Variants in PACRG observed in about 807,000 individuals in gnomAD.
PACRG encodes parkin coregulated, also known as parkin coregulated gene protein.
A neutral mutation model predicts 29.7 loss-of-function variants in PACRG; 29 were observed. The ratio of observed to expected loss-of-function variants is 0.98; its 90% CI spans 0.73 to 1.33. The LOEUF (loss-of-function observed/expected upper bound fraction) is 1.33. Among genes scored for constraint, PACRG ranks in the 40% most tolerant of loss-of-function variants. The pLI, the probability that PACRG is intolerant of heterozygous loss-of-function variation, is 0.00. For missense variants in PACRG, 279 were observed against 316.2 expected, an observed-to-expected ratio of 0.88 and a Z score of 0.89; for synonymous variants, 116 against 118.7, an observed-to-expected ratio of 0.98 and a Z score of 0.15.
At chr6:163,264,476 T>C (rs1204716628) in intron 4 of PACRG, among the ~76,000 whole-genome samples, 1 of 152,182 alleles carries the variant, frequency 6.6e-6, no homozygotes, top group Non-Finnish European at 1.5e-5. Context: ...CAGGGGACAC[T>C]GTGTGCACTC....
intron 1 of PACRG, among the ~76,000 whole-genome samples, chr6:162,772,961 G>C (rs752922063): frequency 6.6e-6 from 1 of 152,124 alleles, no homozygotes; most frequent in Non-Finnish European, 1.5e-5. Flanking sequence ...TGGAATTGCA[G>C]ATAGAAATTA....
intron 1 of PACRG, among the ~76,000 whole-genome samples, chr6:162,772,580 T>G (rs977576420): frequency 1.3e-5 from 2 of 152,094 alleles, no homozygotes; most frequent in African/African-American, 4.8e-5. Context: ...GAGACAACAA[T>G]GAAAAGGCCC....
chr6:163,150,732 G>A (rs575224031), intron 4 of PACRG, among the ~76,000 whole-genome samples: 1 of 152,244 alleles, frequency 6.6e-6, no homozygotes, highest in Non-Finnish European at 1.5e-5. Context: ...ACCCCGCTTG[G>A]TAGTGACTGC....
intron 2 of PACRG, among the ~76,000 whole-genome samples, chr6:162,970,380 G>A (rs906026922): frequency 1.3e-5 from 2 of 152,126 alleles, no homozygotes; most frequent in African/African-American, 4.8e-5. Flanking sequence ...TTCTACTGGA[G>A]AGCTCATCTT....
At chr6:163,224,368 C>CTCAAAAAAA (rs1781702738) in intron 4 of PACRG, among the ~76,000 whole-genome samples, 1 of 47,270 alleles carries the variant, frequency 2.1e-5, no homozygotes, top group South Asian at 1.5e-3. Flanking sequence ...GACTCCATCT[C>CTCAAAAAAA]AAAAAAAAAA....
chr6:163,187,533 C>G (rs1253780754), intron 4 of PACRG: 3 of 152,296 alleles, frequency 2.0e-5, no homozygotes, highest in Non-Finnish European at 4.4e-5. Context: ...TTGACAGCCC[C>G]GTCACCTGCA....
chr6:163,008,866 C>T (rs916533207), intron 2 of PACRG, among the ~76,000 whole-genome samples: 3 of 151,934 alleles, frequency 2.0e-5, no homozygotes, highest in Admixed American at 1.3e-4. Flanking sequence ...GCTTAGCACT[C>T]CTGACCTCCT....
intron 4 of PACRG, among the ~76,000 whole-genome samples, chr6:163,243,874 C>G (rs1782594408): frequency 1.3e-5 from 2 of 152,124 alleles, no homozygotes; most frequent in South Asian, 4.2e-4. Flanking sequence ...GGCTAAGAAG[C>G]TATCTCACCC....
chr6:162,750,826 T>C (rs1781456084), intron 1 of PACRG, among the ~76,000 whole-genome samples: 1 of 152,202 alleles, frequency 6.6e-6, no homozygotes, highest in Admixed American at 6.5e-5. Flanking sequence ...TTTGTATTTT[T>C]CACAAATCTA....
chr6:163,245,729 G>A (rs1413656705), intron 4 of PACRG, among the ~76,000 whole-genome samples: 1 of 152,114 alleles, frequency 6.6e-6, no homozygotes, highest in Non-Finnish European at 1.5e-5. Flanking sequence ...TTCCTAATCA[G>A]CCGCTGTGCT....
intron 2 of PACRG, among the ~76,000 whole-genome samples, chr6:162,995,284 C>G (rs6917346): frequency 5.4e-5 from 8 of 147,818 alleles, no homozygotes; most frequent in South Asian, 2.2e-4. Flanking sequence ...TCGAGCTTCC[C>G]GGCTGCTTTG....
At chr6:163,271,291 C>CTGA (rs1481094870) in intron 4 of PACRG, among the ~76,000 whole-genome samples, 4 of 152,240 alleles carry the variant, frequency 2.6e-5, no homozygotes, top group Non-Finnish European at 4.4e-5. Context: ...TCTCCCAGGA[C>CTGA]CGACTCAAAT....
At chr6:163,000,146 G>A (rs1332581271) in intron 2 of PACRG, among the ~76,000 whole-genome samples, 1 of 152,148 alleles carries the variant, frequency 6.6e-6, no homozygotes, top group Non-Finnish European at 1.5e-5. Flanking sequence ...AGTCATTTTA[G>A]TCTAGGCCAT....
chr6:163,082,641 AT>A lies in PACRG; in HGVS notation c.464-6615del, dbSNP rs1466771962. Among the ~76,000 whole-genome samples the A allele has an allele frequency of 3.9e-5, 6 of 152,308 alleles. No homozygotes were observed. The East Asian group carries it at 9.6e-4, about 24-fold the overall frequency. ...GCGTCTCAGTACACAAGTTTCTAGT[AT>A]TTATGCAGTTTACATTCTATTTTAT... On this transcript the variant is annotated intron_variant, in intron 3 of 4. Coordinates refer to ENST00000366888, the MANE Select transcript of PACRG (RefSeq NM_001080379.2).
At chr6:163,086,258 T>G (rs943911338) in intron 3 of PACRG, among the ~76,000 whole-genome samples, 2 of 152,232 alleles carry the variant, frequency 1.3e-5, no homozygotes, top group Non-Finnish European at 2.9e-5. Flanking sequence ...TAAGACCAGA[T>G]AGAGAGTCTC....
Position 162,921,509 on chromosome 6 carries a change from A to C in PACRG, c.291+107228A>C, listed in dbSNP as rs115372296. On this transcript the variant is annotated intron_variant, in intron 2 of 4. Coordinates refer to ENST00000366888, the MANE Select transcript of PACRG (RefSeq NM_001080379.2). ...CTCTTCTTGACACTTTTGTTCATCAAAATTATCCAGGGAACTTTGAAACAT... is the reference window on the plus strand; with the variant it reads ...CTCTTCTTGACACTTTTGTTCATCACAATTATCCAGGGAACTTTGAAACAT... Among the ~76,000 whole-genome samples the C allele has an allele frequency of 1.4e-3, 210 of 152,228 alleles. 1 individual carries two copies. The highest frequency in any genetic ancestry group is 5.0e-3 in the African/African-American group (209 of 41,526).
intron 2 of PACRG, among the ~76,000 whole-genome samples, chr6:162,935,392 C>CTTT (rs79058842): frequency 8.1e-6 from 1 of 124,058 alleles, no homozygotes; most frequent in Non-Finnish European, 1.8e-5. Context: ...CTGTTTTATT[C>CTTT]TTTTTTTTTT....
At chr6:163,124,110 C>T (rs962564041) in intron 4 of PACRG, among the ~76,000 whole-genome samples, 1 of 152,186 alleles carries the variant, frequency 6.6e-6, no homozygotes, top group Non-Finnish European at 1.5e-5. Flanking sequence ...AATGTCTATT[C>T]AAGTCCTTTG....
chr6:163,062,472 T>C (rs1217552443), intron 3 of PACRG, 151 bp downstream of exon 3: 1 of 880,818 alleles, frequency 1.1e-6, no homozygotes, highest in Non-Finnish European at 1.7e-6. Flanking sequence ...ACAACCCAAA[T>C]CTCCAAAAAT....
Sources: gnomAD v4.1 joint callset for allele counts (sites outside exome capture counted in the v4.1 genomes callset) on GRCh38, gnomAD v4.1.1 for gene constraint, MANE v1.5 for transcripts, NCBI Gene and HGNC (gene_info 2026-07-23, HGNC 2026-07-21) for gene names.